Variants in PDE4B observed in about 807,000 individuals in gnomAD.
PDE4B encodes 3',5'-cyclic-AMP phosphodiesterase 4B.
Under a neutral mutation model 82.2 loss-of-function variants are expected in PDE4B, and 20 were observed. The observed-to-expected ratio is 0.24, with a 90% CI of 0.17 to 0.35. The LOEUF is 0.35. Among genes scored for constraint, PDE4B ranks in the 10% least tolerant of loss-of-function variants. PDE4B has a pLI of 1.00. For synonymous variants in PDE4B, 320 were observed against 318.9 expected (o/e 1.00, Z -0.04); for missense variants, 655 against 907.2 (o/e 0.72, Z 3.57).
chr1:66,260,606 C>T (rs1212758120), intron 6 of PDE4B, among the ~76,000 whole-genome samples: 2 of 152,098 alleles, frequency 1.3e-5, no homozygotes, highest in African/African-American at 4.8e-5. Context: ...AGGGAGAAGG[C>T]GGGGTGGGTG....
At chr1:66,338,747 G>A (rs1363112120) in intron 8 of PDE4B, among the ~76,000 whole-genome samples, 2 of 152,102 alleles carry the variant, frequency 1.3e-5, no homozygotes, top group African/African-American at 4.8e-5. Context: ...GGCCGGGCGC[G>A]GTGGCTCACG....
At chr1:66,311,847 A>G (rs779265345) in intron 7 of PDE4B, among the ~76,000 whole-genome samples, 1 of 152,226 alleles carries the variant, frequency 6.6e-6, no homozygotes, top group Non-Finnish European at 1.5e-5. Flanking sequence ...TGCCAGTGGA[A>G]GAGAAAGTCA....
intron 1 of PDE4B, among the ~76,000 whole-genome samples, chr1:65,828,655 C>T: frequency 6.6e-6 from 1 of 151,914 alleles, no homozygotes; most frequent in Non-Finnish European, 1.5e-5. Context: ...AAAAATGATA[C>T]AAGAGATGGG....
At chr1:65,997,485 A>C (rs1033663713) in intron 3 of PDE4B, among the ~76,000 whole-genome samples, 3 of 152,172 alleles carry the variant, frequency 2.0e-5, no homozygotes, top group African/African-American at 7.2e-5. Flanking sequence ...TAGGAAAAAA[A>C]ACAGTGAATA....
intron 3 of PDE4B, among the ~76,000 whole-genome samples, chr1:66,096,555 G>T (rs1645125575): frequency 8.8e-6 from 1 of 113,242 alleles, no homozygotes; most frequent in Non-Finnish European, 1.9e-5. Context: ...GCATTTCAAA[G>T]GCTTAGTATA....
intron 3 of PDE4B, among the ~76,000 whole-genome samples, chr1:66,122,557 C>T (rs774878614): frequency 2.6e-5 from 4 of 152,022 alleles, no homozygotes; most frequent in Admixed American, 6.6e-5. Context: ...ATACATGTAA[C>T]CGTAAGATCA....
intron 3 of PDE4B, among the ~76,000 whole-genome samples, chr1:66,171,565 T>C (rs187731402): frequency 5.6e-4 from 85 of 152,312 alleles, no homozygotes; most frequent in African/African-American, 1.9e-3. Flanking sequence ...CCTATTAATA[T>C]CTCAGTGGAC....
chr1:66,123,693 TA>T (rs1288025093), intron 3 of PDE4B, among the ~76,000 whole-genome samples: 1 of 152,142 alleles, frequency 6.6e-6, no homozygotes, highest in East Asian at 1.9e-4. Context: ...ATTCATCAAA[TA>T]AAAACAAATT....
At chr1:66,169,765 A>C (rs1293660955) in intron 3 of PDE4B, among the ~76,000 whole-genome samples, 1 of 152,216 alleles carries the variant, frequency 6.6e-6, no homozygotes, top group Non-Finnish European at 1.5e-5. Flanking sequence ...ATGAAAACAG[A>C]GGATACTGTT....
chr1:66,233,263 C>T (rs990341592), intron 3 of PDE4B, among the ~76,000 whole-genome samples: 2 of 152,160 alleles, frequency 1.3e-5, no homozygotes, highest in Non-Finnish European at 2.9e-5. Context: ...TTATTTCACT[C>T]AGCATAATTA....
At chr1:66,116,738 A>G (rs1557573332) in intron 3 of PDE4B, among the ~76,000 whole-genome samples, 1 of 151,956 alleles carries the variant, frequency 6.6e-6, no homozygotes, top group African/African-American at 2.4e-5. Flanking sequence ...TGATCTTTGT[A>G]TTTTTTTGTA....
At chr1:66,064,615 G>C (rs61796609) in intron 3 of PDE4B, among the ~76,000 whole-genome samples, 32,830 of 151,832 alleles carry the variant, frequency 0.22, 4,081 homozygotes, top group Middle Eastern at 0.36. Context: ...AGTTCTCATT[G>C]ACTCTTTTCC....
chr1:66,248,421 G>A (rs905386626), intron 4 of PDE4B, among the ~76,000 whole-genome samples: 1 of 152,102 alleles, frequency 6.6e-6, no homozygotes, highest in Non-Finnish European at 1.5e-5. Flanking sequence ...TCTCCAGTTT[G>A]GAAAATTCCA....
At chr1:66,162,499 C>T (rs1224400408) in intron 3 of PDE4B, among the ~76,000 whole-genome samples, 1 of 151,958 alleles carries the variant, frequency 6.6e-6, no homozygotes, top group Admixed American at 6.6e-5. Flanking sequence ...CAGCCAGCTT[C>T]TCTCTGTTCC....
intron 1 of PDE4B, among the ~76,000 whole-genome samples, chr1:65,905,105 C>T (rs1364692372): frequency 1.3e-5 from 2 of 152,114 alleles, no homozygotes; most frequent in Admixed American, 1.3e-4. Flanking sequence ...TTGCTTGGCA[C>T]AAGAGATATA....
intron 3 of PDE4B, among the ~76,000 whole-genome samples, chr1:66,161,209 G>C (rs1483709054): frequency 2.0e-5 from 3 of 151,962 alleles, no homozygotes; most frequent in Non-Finnish European, 4.4e-5. Flanking sequence ...TTATGCTGAA[G>C]GTAAAATTAG....
intron 1 of PDE4B, among the ~76,000 whole-genome samples, chr1:65,896,050 TTGG>T (rs1646907084): frequency 6.6e-6 from 1 of 151,728 alleles, no homozygotes; most frequent in African/African-American, 2.4e-5. Flanking sequence ...TTGAAGGATG[TTGG>T]TATTTGTTTT....
chr1:66,145,829 A>G (rs1646257451), intron 3 of PDE4B, among the ~76,000 whole-genome samples: 1 of 152,168 alleles, frequency 6.6e-6, no homozygotes, highest in Middle Eastern at 3.2e-3. Context: ...GCTTCTCTGG[A>G]TAAATACTAA....
chr1:65,990,522 T>C (rs1651187179), intron 3 of PDE4B, among the ~76,000 whole-genome samples: 1 of 152,208 alleles, frequency 6.6e-6, no homozygotes. Context: ...AGTCCCAGCT[T>C]TGTTTTCATA....
Sources: allele counts gnomAD v4.1 joint callset (sites outside exome capture counted in the v4.1 genomes callset), GRCh38; gene constraint gnomAD v4.1.1; transcripts MANE v1.5; gene names NCBI Gene and HGNC (gene_info 2026-07-23, HGNC 2026-07-21).